Variants in ZFAND3 observed in about 807,000 individuals in gnomAD.
The protein encoded by ZFAND3 is zinc finger AN1-type containing 3, also known as AN1-type zinc finger protein 3.
A neutral mutation model predicts 29.6 loss-of-function variants in ZFAND3; 10 were observed. The observed-to-expected ratio is 0.34, with a 90% CI of 0.21 to 0.57. The LOEUF (loss-of-function observed/expected upper bound fraction) is 0.57. Among genes scored for constraint, ZFAND3 ranks in the 20% least tolerant of loss-of-function variants. The probability of loss-of-function intolerance (pLI) is 0.86; values close to 1 mark genes in which losing one functional copy is unlikely to be tolerated. For missense variants in ZFAND3, 230 were observed against 304.5 expected (o/e 0.76, Z 1.82); for synonymous variants, 128 against 112.6 (o/e 1.14, Z -0.87).
intron 2 of ZFAND3, among the ~76,000 whole-genome samples, chr6:37,984,674 GA>G (rs1172903605): frequency 3.3e-5 from 5 of 152,214 alleles, no homozygotes; most frequent in African/African-American, 1.2e-4. Context: ...AACTTCTACT[GA>G]AGCCCAGTGG....
chr6:37,880,964 A>T (rs2127391962), intron 1 of ZFAND3, among the ~76,000 whole-genome samples: 1 of 151,722 alleles, frequency 6.6e-6, no homozygotes, highest in Non-Finnish European at 1.5e-5. Flanking sequence ...ATACATATGT[A>T]ACTAACCTGC....
rs1581685432 is a variant in ZFAND3 at position 37,820,124 on chromosome 6, C to G, written c.71+108C>G. 3 of 898,138 alleles carry G rather than the reference C, an allele frequency of 3.3e-6. No homozygotes were observed. The East Asian group carries it at 1.2e-4, about 37-fold the overall frequency. 55.6% of individuals were successfully genotyped at this position (898,138 alleles called of 1,614,324 possible). ...GGAGGCCGGAACCTTGGAGGCTGGG[C>G]CCAGCCCGGGCCTACGGGGAGGGGG... On this transcript the variant is annotated intron_variant, in intron 1 of 5. Coordinates refer to ENST00000287218, the MANE Select transcript of ZFAND3 (RefSeq NM_021943.3).
At chr6:38,078,487 A>G (rs1257283926) in intron 3 of ZFAND3, among the ~76,000 whole-genome samples, 1 of 152,262 alleles carries the variant, frequency 6.6e-6, no homozygotes, top group Non-Finnish European at 1.5e-5. Context: ...TTGCTTTAGC[A>G]AAAGAAAGCA....
At chr6:38,069,821 G>T (rs1313998082) in intron 3 of ZFAND3, among the ~76,000 whole-genome samples, 3 of 152,160 alleles carry the variant, frequency 2.0e-5, no homozygotes, top group Non-Finnish European at 4.4e-5. Context: ...AGTATCATCT[G>T]ACCTTCCATT....
chr6:38,047,949 G>C, intron 2 of ZFAND3, among the ~76,000 whole-genome samples: 1 of 150,550 alleles, frequency 6.6e-6, no homozygotes, highest in African/African-American at 2.4e-5. Flanking sequence ...ATCTGTTCCA[G>C]ACCTAGGTTT....
At chr6:37,864,699 G>T (rs1390343664) in intron 1 of ZFAND3, among the ~76,000 whole-genome samples, 6 of 151,748 alleles carry the variant, frequency 4.0e-5, no homozygotes, top group Non-Finnish European at 7.4e-5. Context: ...ATATATGTGT[G>T]TATGTTCATA....
In ZFAND3 at chr6:38,153,523, C is replaced by A. The variant is rs924754443; in HGVS notation, c.*1134C>A. On this transcript the variant is annotated 3_prime_UTR_variant, in exon 6 of 6. Transcript: ENST00000287218. ...CGTCCCAGGGACAGTGGGTTTGGAT[C>A]TGTCTAGAACAGCGGTTTGTGGCTG... 3.8e-5 allele frequency: 37 copies of A among 985,400 alleles called. No homozygotes were observed. The highest frequency in any genetic ancestry group is 4.2e-5 in the Non-Finnish European group (35 of 829,972). 61.0% of individuals were successfully genotyped at this position (985,400 alleles called of 1,614,324 possible).
Position 38,061,482 on chromosome 6 carries a change from A to G in ZFAND3, c.113-111A>G. On this transcript the variant is annotated intron_variant, in intron 2 of 5. Coordinates refer to ENST00000287218, the MANE Select transcript of ZFAND3 (RefSeq NM_021943.3). The stretch of plus-strand genomic sequence containing the variant: ...CCATGGTTTTTTAGTCACCCAGATC[A>G]GTCTTTATTATTGGTGTTGTTGCAT... 3 of 1,283,104 alleles carry G rather than the reference A, an allele frequency of 2.3e-6. No homozygotes were observed. The African/African-American group carries it at 4.5e-5, about 19-fold the overall frequency. The allele number at this position is 1,283,104 out of a possible 1,614,324, so 79.5% of individuals were successfully genotyped here. A position where few individuals can be genotyped will look rare whatever the true frequency, so the allele number is the denominator to read the frequency against.
At chr6:37,943,821 TTCAAAGTAAAC>T (rs1761853497) in intron 2 of ZFAND3, among the ~76,000 whole-genome samples, 1 of 152,204 alleles carries the variant, frequency 6.6e-6, no homozygotes, top group South Asian at 2.1e-4. Context: ...ATTAATGAGT[TTCAAAGTAAAC>T]TGAAGTGGTG....
chr6:37,930,090 A>G (rs1761567125), intron 2 of ZFAND3, 91 bp downstream of exon 2: 11 of 1,306,040 alleles, frequency 8.4e-6, no homozygotes, highest in East Asian at 2.5e-5. Flanking sequence ...ATTTGACCCT[A>G]AAGGATTTAT....
At position 38,152,379 on chromosome 6, in the gene ZFAND3, G is replaced by A; in HGVS notation, c.674G>A (p.Gly225Glu). The change falls in exon 6 of 6, where the codon GGG (glycine) becomes GAG (glutamate). Residue 225 changes from glycine to glutamate, a missense_variant. Gly to Glu is a moderately conservative substitution (Grantham distance 98). Around this residue, in one of 2 missense-constraint regions of ZFAND3, gnomAD observed 50 missense variants for 102.0 expected, o/e 0.49. Coordinates refer to ENST00000287218, the MANE Select transcript of ZFAND3 (RefSeq NM_021943.3). The stretch of plus-strand genomic sequence containing the variant: ...CGCTCCTGCCAGCGCATCGGGGAGG[G>A]GTGCTCCTGAAGGCCAGGCATGGCC... ...VGRSCQRIGEGCS is the reference protein window; with the variant it reads ...VGRSCQRIGEECS The A allele has an allele frequency of 6.3e-7, 1 of 1,588,520 alleles. No individual in the cohort carries two copies. The highest frequency in any genetic ancestry group is 1.2e-5 in the South Asian group (1 of 86,502).
chr6:38,122,381 A>G (rs1765552499), intron 5 of ZFAND3, among the ~76,000 whole-genome samples: 1 of 152,242 alleles, frequency 6.6e-6, no homozygotes, highest in Non-Finnish European at 1.5e-5. Context: ...GTCAGTGCAG[A>G]CACAACCATC....
intron 5 of ZFAND3, among the ~76,000 whole-genome samples, chr6:38,134,834 A>C (rs1033935548): frequency 2.0e-5 from 3 of 152,212 alleles, no homozygotes; most frequent in Non-Finnish European, 4.4e-5. Context: ...AGCCTGAATA[A>C]GATTCTGTGC....
intron 4 of ZFAND3, chr6:38,088,474 G>C (rs1472076402): frequency 6.6e-6 from 1 of 152,202 alleles, no homozygotes; most frequent in Non-Finnish European, 1.5e-5. Flanking sequence ...TTCACTATGT[G>C]ATAGCACAAC....
At chr6:37,896,578 C>CTTT (rs772841805) in intron 1 of ZFAND3, among the ~76,000 whole-genome samples, 3 of 76,110 alleles carry the variant, frequency 3.9e-5, no homozygotes, top group African/African-American at 6.2e-5. Flanking sequence ...TTCTCTCTTT[C>CTTT]TCTCTCTTTC....
rs113571840 is a variant in ZFAND3 at position 37,954,368 on chromosome 6, T to G, written c.112+24369T>G. On this transcript the variant is annotated intron_variant, in intron 2 of 5. Coordinates refer to ENST00000287218, the MANE Select transcript of ZFAND3 (RefSeq NM_021943.3). ...ATCCCACAGCTAACTGATGCTCTTA[T>G]TTTTTTCTTGTTTCTCTGTGTTTCA... Among the ~76,000 whole-genome samples the G allele has an allele frequency of 4.8e-4, 73 of 152,302 alleles. 1 individual carries two copies. Among genetic ancestry groups the G allele is most frequent in the African/African-American group, 9.9e-4 (41 of 41,566 alleles).
chr6:38,016,580 G>C (rs990162393), intron 2 of ZFAND3, among the ~76,000 whole-genome samples: 6 of 152,134 alleles, frequency 3.9e-5, no homozygotes, highest in Admixed American at 2.6e-4. Flanking sequence ...AAAGGAAAAA[G>C]CTCCTTTAAA....
intron 2 of ZFAND3, among the ~76,000 whole-genome samples, chr6:38,009,693 C>T (rs985310573): frequency 6.6e-6 from 1 of 152,156 alleles, no homozygotes; most frequent in Non-Finnish European, 1.5e-5. Context: ...TAGGTCTCCT[C>T]CTTCATCTTA....
intron 4 of ZFAND3, among the ~76,000 whole-genome samples, chr6:38,115,704 A>G (rs1765403662): frequency 6.6e-6 from 1 of 152,214 alleles, no homozygotes; most frequent in Non-Finnish European, 1.5e-5. Context: ...TGGGTATGCA[A>G]GCAGCTGTTT....
Sources: allele counts gnomAD v4.1 joint callset (sites outside exome capture counted in the v4.1 genomes callset), GRCh38; gene constraint gnomAD v4.1.1; regional missense constraint gnomAD v4.1.1; transcripts MANE v1.5; gene names NCBI Gene and HGNC (gene_info 2026-07-23, HGNC 2026-07-21).